The following KDM4B variants were observed in gnomAD, a reference collection of about 807,000 sequenced individuals.
KDM4B encodes lysine demethylase 4B.
In KDM4B, 32 loss-of-function variants were observed where a neutral mutation model predicts 125.2. The observed-to-expected ratio is 0.26, with a 90% CI of 0.19 to 0.34. The LOEUF is 0.34. KDM4B is among the 10% of genes least tolerant of loss of function. The pLI is 1.00. For missense variants in KDM4B, 1,190 were observed against 1,577.7 expected (o/e 0.75, Z 4.16); for synonymous variants, 721 against 677.9 (o/e 1.06, Z -0.99).
At chr19:5,004,254 C>T (rs898812397) in intron 1 of KDM4B, among the ~76,000 whole-genome samples, 8 of 152,162 alleles carry the variant, frequency 5.3e-5, no homozygotes, top group African/African-American at 1.9e-4. Flanking sequence ...AATGGCCTCG[C>T]CATTTCCACA....
intron 7 of KDM4B, among the ~76,000 whole-genome samples, chr19:5,071,527 G>C (rs940536236): frequency 1.3e-5 from 2 of 152,246 alleles, no homozygotes; most frequent in African/African-American, 4.8e-5. Flanking sequence ...GTTCTGCTGG[G>C]ACCCAACCTG....
chr19:4,986,642 C>G (rs561081844), intron 1 of KDM4B, among the ~76,000 whole-genome samples: 1 of 152,190 alleles, frequency 6.6e-6, no homozygotes, highest in Non-Finnish European at 1.5e-5. Flanking sequence ...TTAGGGCCCT[C>G]GAGGGGCGGC....
At chr19:5,001,049 T>A (rs2035367970) in intron 1 of KDM4B, among the ~76,000 whole-genome samples, 1 of 151,864 alleles carries the variant, frequency 6.6e-6, no homozygotes. Context: ...TTTTTTTTTT[T>A]GAGACAGAGT....
chr19:5,122,217 G>A (rs1246117929), intron 11 of KDM4B, among the ~76,000 whole-genome samples: 1 of 152,152 alleles, frequency 6.6e-6, no homozygotes, highest in African/African-American at 2.4e-5. Context: ...CACATCTCTT[G>A]GCTCAGAGCC....
intron 6 of KDM4B, among the ~76,000 whole-genome samples, chr19:5,059,555 C>T (rs921096458): frequency 6.6e-6 from 1 of 152,222 alleles, no homozygotes; most frequent in Admixed American, 6.5e-5. Flanking sequence ...GTGGTGGGCA[C>T]AGGCTGAGAC....
intron 9 of KDM4B, among the ~76,000 whole-genome samples, chr19:5,092,606 A>G (rs1331154248): frequency 6.6e-6 from 1 of 151,934 alleles, no homozygotes; most frequent in Non-Finnish European, 1.5e-5. Context: ...ACCATCCTTC[A>G]TGGACAGAGC....
intron 8 of KDM4B, among the ~76,000 whole-genome samples, chr19:5,079,894 C>G (rs917090802): frequency 6.6e-6 from 1 of 152,084 alleles, no homozygotes; most frequent in Non-Finnish European, 1.5e-5. Context: ...TTAAAAAGCC[C>G]CAAACCTTAA....
intron 11 of KDM4B, among the ~76,000 whole-genome samples, chr19:5,123,409 C>T (rs1227911854): frequency 2.6e-5 from 4 of 152,212 alleles, no homozygotes; most frequent in Admixed American, 6.5e-5. Flanking sequence ...CGTGTTCTCC[C>T]GGAGTGTGTC....
chr19:5,144,892 A>C lies in KDM4B; in HGVS notation c.3011A>C (p.His1004Pro). ...KAKFISSVTS[H>P]IYQVEFEDGS... ...AAGTTCATCTCCTCCGTCACCAGCC[A>C]CATCTACCAGGTAAGCGGGGGATCT... The change falls in exon 21 of 23, where the codon CAC (histidine) becomes CCC (proline). Residue 1004 changes from histidine (H) to proline (P), a missense_variant. Physicochemically the swap from His to Pro is moderately conservative, Grantham distance 77. Around this residue, in one of 7 missense-constraint regions of KDM4B, gnomAD observed 298 missense variants for 439.7 expected, o/e 0.68. Transcript: ENST00000159111. 1 of 1,613,254 alleles carries C rather than the reference A, an allele frequency of 6.2e-7. No individual in the cohort carries two copies. The highest frequency in any genetic ancestry group is 8.5e-7 in the Non-Finnish European group (1 of 1,179,746).
chr19:5,129,729 AGG>A (rs2039510124), intron 11 of KDM4B, among the ~76,000 whole-genome samples: 1 of 152,172 alleles, frequency 6.6e-6, no homozygotes, highest in South Asian at 2.1e-4. Flanking sequence ...CAAGAGCCTT[AGG>A]GCCTGGAGAC....
chr19:5,039,040 T>C lies in KDM4B; in HGVS notation c.142-796T>C, dbSNP rs902489097. ...CTCCAACCCCTGTTCTCCAGGTGCA[T>C]GTGGCCCCTGGTGGGCTCTTGGTAG... On this transcript the variant is annotated intron_variant, in intron 3 of 22. Transcript: ENST00000159111. Among the ~76,000 whole-genome samples the C allele has an allele frequency of 5.9e-5, 9 of 152,262 alleles. 1 individual carries two copies. The highest frequency in any genetic ancestry group is 1.3e-4 in the Non-Finnish European group (9 of 68,048).
At position 5,011,706 on chromosome 19, in the gene KDM4B, C is replaced by T. The variant is rs202065163; in HGVS notation, c.-108-4551C>T. On this transcript the variant is annotated intron_variant, in intron 1 of 22. Coordinates refer to ENST00000159111, the MANE Select transcript of KDM4B (RefSeq NM_015015.3). ...CTGTTTTTGGACCCGTGCTCAGACC[C>T]GGGAAAGAGGTGGGCAGTGTGGTCT... 4.6e-5 allele frequency among the ~76,000 whole-genome samples: 7 copies of T among 152,214 alleles called. No homozygotes were observed. In the East Asian group the frequency reaches 1.2e-3, roughly 25 times the overall value.
At chr19:4,976,709 C>T (rs1161498095) in intron 1 of KDM4B, among the ~76,000 whole-genome samples, 1 of 152,228 alleles carries the variant, frequency 6.6e-6, no homozygotes, top group Non-Finnish European at 1.5e-5. Flanking sequence ...GGTGGCTTAT[C>T]CAGTGCAGAG....
chr19:5,034,105 G>A (rs1348493521), intron 3 of KDM4B, among the ~76,000 whole-genome samples: 1 of 152,232 alleles, frequency 6.6e-6, no homozygotes, highest in East Asian at 1.9e-4. Flanking sequence ...CTGCACTCCA[G>A]CCTGGACGAC....
In KDM4B at chr19:5,085,571, C is replaced by T. The variant is rs562321350; in HGVS notation, c.918+3067C>T. Reference sequence around the variant, plus strand: ...AAGTGCAGACTTAGATTGGGCTCCACGCTTCCATTGTCAGGCGGCGTAGCA... The same window carrying T: ...AAGTGCAGACTTAGATTGGGCTCCATGCTTCCATTGTCAGGCGGCGTAGCA... On this transcript the variant is annotated intron_variant, in intron 9 of 22. Coordinates refer to ENST00000159111, the MANE Select transcript of KDM4B (RefSeq NM_015015.3). 3.3e-5 allele frequency among the ~76,000 whole-genome samples: 5 copies of T among 152,344 alleles called. 1 individual carries two copies. The highest frequency in any genetic ancestry group is 2.1e-4 in the South Asian group (1 of 4,828).
rs2039959188 is a variant in KDM4B, at chr19:5,152,118, G to GGC, written c.*608_*609dup. On this transcript the variant is annotated 3_prime_UTR_variant, in exon 23 of 23. Transcript: ENST00000159111. ...ATTGGAGGGTGAGCCTCGGGGGGGG[G>GGC]GCAGGACGCCCCGGTTTCGGCACAG... 1 of 152,164 alleles carries GGC rather than the reference G, an allele frequency of 6.6e-6. No individual in the cohort carries two copies. The highest frequency in any genetic ancestry group is 2.4e-5 in the African/African-American group (1 of 41,426). 9.4% of individuals were successfully genotyped at this position (152,164 alleles called of 1,614,324 possible).
chr19:5,093,566 A>C (rs987064707), intron 9 of KDM4B, among the ~76,000 whole-genome samples: 9 of 152,204 alleles, frequency 5.9e-5, no homozygotes, highest in African/African-American at 9.6e-5. Context: ...CATCAGAAAC[A>C]GGGGGCCCAC....
At chr19:5,107,361 G>A (rs995689764) in intron 9 of KDM4B, among the ~76,000 whole-genome samples, 1 of 152,226 alleles carries the variant, frequency 6.6e-6, no homozygotes, top group Non-Finnish European at 1.5e-5. Context: ...TGTCGCGAGT[G>A]CTGACAGAGG....
intron 6 of KDM4B, among the ~76,000 whole-genome samples, chr19:5,062,362 G>A (rs2037629826): frequency 6.6e-6 from 1 of 152,230 alleles, no homozygotes; most frequent in South Asian, 2.1e-4. Flanking sequence ...GTGGCCATCG[G>A]TAGCATGCCT....
Sources: allele counts gnomAD v4.1 joint callset (sites outside exome capture counted in the v4.1 genomes callset), GRCh38; gene constraint gnomAD v4.1.1; regional missense constraint gnomAD v4.1.1; transcripts MANE v1.5; gene names NCBI Gene and HGNC (gene_info 2026-07-23, HGNC 2026-07-21).